POU2F2: variants seen among roughly 807,000 people sequenced by gnomAD.
POU2F2 encodes the protein POU class 2 homeobox 2.
POU2F2 carries 14 observed loss-of-function variants against 63.5 expected under a neutral mutation model. The ratio of observed to expected loss-of-function variants is 0.22; its 90% CI spans 0.15 to 0.34. POU2F2 has a LOEUF of 0.34. Among genes scored for constraint, POU2F2 ranks in the 10% least tolerant of loss-of-function variants. The pLI is 1.00. For missense variants in POU2F2, 607 were observed against 815.2 expected (o/e 0.74, Z 3.11); for synonymous variants, 306 against 348.6 (o/e 0.88, Z 1.36).
In POU2F2 at chr19:42,169,751, TGTGTGC is replaced by T. The variant is rs1223401548; in HGVS notation, c.-70+6206_-70+6211del. Among the ~76,000 whole-genome samples, 2 of 152,054 alleles carry T rather than the reference TGTGTGC, an allele frequency of 1.3e-5. No homozygotes were observed. The highest frequency in any genetic ancestry group is 4.8e-5 in the African/African-American group (2 of 41,386). Reference sequence around the variant, plus strand: ...GCGAATGAGTGCGCGCACACGTGTGTGTGTGCGTGTGTGTGTGTGTCGGGGTGATAT... The same window carrying T: ...GCGAATGAGTGCGCGCACACGTGTGTGTGTGTGTGTGTGTCGGGGTGATAT... On this transcript the variant is annotated intron_variant, in intron 1 of 6. Coordinates refer to the POU2F2 transcript ENST00000524801. The surrounding 1 kb of genome is among the most constrained non-coding windows in gnomAD (Gnocchi z 4.3).
chr19:42,139,176 TG>T (rs989729654), intron 2 of POU2F2, among the ~76,000 whole-genome samples: 17 of 152,154 alleles, frequency 1.1e-4, no homozygotes, highest in African/African-American at 3.9e-4. Flanking sequence ...AAAAATTAGC[TG>T]GGCATGGTGG....
At position 42,117,708 on chromosome 19, in the gene POU2F2, G is replaced by A. The variant is rs899012187; in HGVS notation, c.187-276C>T. Among the ~76,000 whole-genome samples, 5 of 151,900 alleles carry A rather than the reference G, an allele frequency of 3.3e-5. No homozygotes were observed. The highest frequency in any genetic ancestry group is 5.9e-5 in the Non-Finnish European group (4 of 67,992). The stretch of plus-strand genomic sequence containing the variant: ...AAAATGGAAAAGAGTGGCTGGGCAC[G>A]GTGGCTCATACCTGTAACCCTAGCA... On this transcript the variant is annotated intron_variant, in intron 4 of 14. Transcript: ENST00000692977. This position sits in a 1 kb window ranked among gnomAD's most constrained non-coding sequence, Gnocchi z 4.4.
Position 42,117,195 on chromosome 19 carries a change from C to G in POU2F2, c.369+55G>C, listed in dbSNP as rs562752664. 6 of 1,340,392 alleles carry G rather than the reference C, an allele frequency of 4.5e-6. No homozygotes were observed. The East Asian group carries it at 1.3e-4, about 30-fold the overall frequency. 83.0% of individuals were successfully genotyped at this position (1,340,392 alleles called of 1,614,324 possible). On this transcript the variant is annotated intron_variant, in intron 5 of 14. Coordinates refer to ENST00000692977, the MANE Select transcript of POU2F2 (RefSeq NM_001394376.1). The surrounding 1 kb of genome is among the most constrained non-coding windows in gnomAD (Gnocchi z 4.4). ...AACAGTTCATCCACTAGCCCTGTAA[C>G]AGATGAGGGGTGGCTGGTTTGTCCC...
At chr19:42,187,034 T>C (rs1056845898) in intron 1 of POU2F2, among the ~76,000 whole-genome samples, 3 of 152,170 alleles carry the variant, frequency 2.0e-5, no homozygotes, top group Admixed American at 1.3e-4. Flanking sequence ...GAGAGGTCTC[T>C]GGGCTGAAGA....
upstream of POU2F2, among the ~76,000 whole-genome samples, chr19:42,197,758 T>G (rs890925743): frequency 1.5e-4 from 23 of 152,260 alleles, no homozygotes; most frequent in Admixed American, 1.4e-3. Flanking sequence ...GTGTGACCAG[T>G]GGGGAGCCAC....
upstream of POU2F2, chr19:42,132,565 C>T: frequency 1.7e-6 from 1 of 580,484 alleles, no homozygotes; most frequent in South Asian, 3.7e-5. Flanking sequence ...ACAGACCCGC[C>T]CCGGCAGCCC....
intron 1 of POU2F2, among the ~76,000 whole-genome samples, chr19:42,194,604 T>A (rs2035109389): frequency 6.6e-6 from 1 of 150,642 alleles, no homozygotes; most frequent in Non-Finnish European, 1.5e-5. Flanking sequence ...ACTAAAAATA[T>A]AAAAATTAGC....
chr19:42,161,509 G>A (rs2034550894), intron 1 of POU2F2, among the ~76,000 whole-genome samples: 1 of 152,112 alleles, frequency 6.6e-6, no homozygotes, highest in Non-Finnish European at 1.5e-5. Context: ...TAGGAAGGAG[G>A]AGTGAGGAAT....
At chr19:42,112,148 T>C (rs1463219991) in intron 5 of POU2F2, among the ~76,000 whole-genome samples, 1 of 152,264 alleles carries the variant, frequency 6.6e-6, no homozygotes, top group East Asian at 1.9e-4. Context: ...GCCAGGCTCC[T>C]GGACTCCAAG....
In POU2F2 at chr19:42,170,302, C is replaced by T. The variant is rs561734004; in HGVS notation, c.-70+5661G>A. Among the ~76,000 whole-genome samples, 11 of 152,052 alleles carry T rather than the reference C, an allele frequency of 7.2e-5. No individual in the cohort carries two copies. In the East Asian group the frequency reaches 9.7e-4, roughly 13 times the overall value. On this transcript the variant is annotated intron_variant, in intron 1 of 6. Coordinates refer to the POU2F2 transcript ENST00000524801. ...GGCAATCACACAAGCCCACACCCGCCGACACCTAGACAGAGGCTCAAACAG... is the reference window on the plus strand; with the variant it reads ...GGCAATCACACAAGCCCACACCCGCTGACACCTAGACAGAGGCTCAAACAG...
At chr19:42,133,964 G>A (rs1221161512), upstream of POU2F2, among the ~76,000 whole-genome samples, 1 of 150,896 alleles carries the variant, frequency 6.6e-6, no homozygotes, top group Non-Finnish European at 1.5e-5. This position sits in a 1 kb window ranked among gnomAD's most constrained non-coding sequence, Gnocchi z 5.1. Flanking sequence ...TCTCATATAT[G>A]CACACGAGAG....
At chr19:42,110,794 G>A (rs1222056641) in intron 5 of POU2F2, 1 of 453,712 alleles carries the variant, frequency 2.2e-6, no homozygotes, top group East Asian at 7.0e-5. Flanking sequence ...TGTGTAGAAT[G>A]TTTAGCCTGA....
Position 42,096,333 on chromosome 19 carries a change from G to T in POU2F2, c.568-90C>A. ...GCACAGTCCCCCTCCCGCCCTCTTC[G>T]CCCCTGCGTTCCATCCGCCGCCTGC... On this transcript the variant is annotated intron_variant, in intron 7 of 14. Transcript: ENST00000692977. This position sits in a 1 kb window ranked among gnomAD's most constrained non-coding sequence, Gnocchi z 4.1. 1 of 1,330,320 alleles carries T rather than the reference G, an allele frequency of 7.5e-7. No individual in the cohort carries two copies. Among genetic ancestry groups the T allele is most frequent in the Non-Finnish European group, 1.0e-6 (1 of 998,854 alleles). 82.4% of individuals were successfully genotyped at this position (1,330,320 alleles called of 1,614,324 possible).
intron 1 of POU2F2, among the ~76,000 whole-genome samples, chr19:42,188,324 C>T (rs1321240191): frequency 1.3e-5 from 2 of 151,386 alleles, no homozygotes; most frequent in African/African-American, 4.8e-5. Flanking sequence ...TGAAACGGTG[C>T]CACTGCACTG....
intron 5 of POU2F2, among the ~76,000 whole-genome samples, chr19:42,103,921 C>T (rs1017611222): frequency 1.3e-5 from 2 of 149,406 alleles, no homozygotes; most frequent in Non-Finnish European, 3.0e-5. Flanking sequence ...GCATGAGCCA[C>T]CCTGCCCAGG....
chr19:42,112,612 C>T (rs1206226566), intron 5 of POU2F2, among the ~76,000 whole-genome samples: 1 of 152,202 alleles, frequency 6.6e-6, no homozygotes, highest in African/African-American at 2.4e-5. Context: ...TCAAGCGATC[C>T]GCCCACCTCG....
chr19:42,195,325 T>TTTTGC (rs1174559611), intron 1 of POU2F2, among the ~76,000 whole-genome samples: 2 of 145,298 alleles, frequency 1.4e-5, no homozygotes, highest in Admixed American at 6.8e-5. Flanking sequence ...TCCCTCCCTC[T>TTTTGC]TTTTCTTTTT....
chr19:42,122,288 T>C, intron 3 of POU2F2, 56 bp downstream of exon 3: 1 of 1,124,540 alleles, frequency 8.9e-7, no homozygotes, highest in Non-Finnish European at 1.2e-6. Flanking sequence ...GAGCCCCCTC[T>C]GAACCCCTCT....
intron 5 of POU2F2, among the ~76,000 whole-genome samples, chr19:42,108,588 G>GA (rs1201525716): frequency 8.0e-5 from 12 of 150,752 alleles, no homozygotes; most frequent in African/African-American, 1.2e-4. Context: ...ATAAAACAAA[G>GA]AAAAAAAAAG....
Sources: allele counts gnomAD v4.1 joint callset (sites outside exome capture counted in the v4.1 genomes callset), GRCh38; gene constraint gnomAD v4.1.1; non-coding constraint Gnocchi (gnomAD v3.1); transcripts MANE v1.5; gene names NCBI Gene and HGNC (gene_info 2026-07-23, HGNC 2026-07-21).